WDR33: variants seen among roughly 807,000 people sequenced by gnomAD.
The protein encoded by WDR33 is WD repeat domain 33, also known as pre-mRNA 3' end processing protein WDR33.
In WDR33, 47 loss-of-function variants were observed where a neutral mutation model predicts 164.9. That is an observed-to-expected ratio of 0.29 (90% CI 0.23 to 0.36). The LOEUF is 0.36. Ranked by LOEUF, WDR33 falls within the 10% of genes least tolerant of loss-of-function variation. The probability of loss-of-function intolerance (pLI) is 1.00; values close to 1 mark genes in which losing one functional copy is unlikely to be tolerated. For missense variants in WDR33, 1,137 were observed against 1,754.1 expected (o/e 0.65, Z 6.28); for synonymous variants, 505 against 589.0 (o/e 0.86, Z 2.06).
chr2:127,710,995 C>A lies in WDR33; in HGVS notation c.3309-1139G>T, dbSNP rs531413466. Reference sequence around the variant, plus strand: ...ACCATTTGAAAATCAGTTGCCAACACGAGCTTTACCCCTAAATCCTTCAGT... The same window carrying A: ...ACCATTTGAAAATCAGTTGCCAACAAGAGCTTTACCCCTAAATCCTTCAGT... On this transcript the variant is annotated intron_variant, in intron 18 of 21. Coordinates refer to ENST00000322313, the MANE Select transcript of WDR33 (RefSeq NM_018383.5). This position sits in a 1 kb window ranked among gnomAD's most constrained non-coding sequence, Gnocchi z 4.4. Among the ~76,000 whole-genome samples the A allele has an allele frequency of 1.3e-5, 2 of 152,236 alleles. No individual in the cohort carries two copies. The highest frequency in any genetic ancestry group is 4.1e-4 in the South Asian group (2 of 4,834).
intron 1 of WDR33, among the ~76,000 whole-genome samples, chr2:127,810,558 AT>A (rs746220733): frequency 1.4e-4 from 21 of 152,206 alleles, no homozygotes; most frequent in Non-Finnish European, 2.8e-4. Context: ...CATCCTTATA[AT>A]AAGCACCGAT....
At position 127,705,955 on chromosome 2, in the gene WDR33, CA is replaced by C. The variant is rs749956109; in HGVS notation, c.*367del. 73 of 213,570 alleles carry C rather than the reference CA, an allele frequency of 3.4e-4. No homozygotes were observed. The highest frequency in any genetic ancestry group is 2.3e-3 in the Admixed American group (39 of 17,144). 13.2% of individuals were successfully genotyped at this position (213,570 alleles called of 1,614,324 possible). A position where few individuals can be genotyped will look rare whatever the true frequency, so the allele number is the denominator to read the frequency against. ...GCGTAAATCACATTCTGTATTCATA[CA>C]AAAACTTTGTTTTTCTCTGACAAAC... is the stretch of plus-strand genomic sequence containing the variant. On this transcript the variant is annotated 3_prime_UTR_variant, in exon 22 of 22. Coordinates refer to ENST00000322313, the MANE Select transcript of WDR33 (RefSeq NM_018383.5). The surrounding 1 kb of genome is among the most constrained non-coding windows in gnomAD (Gnocchi z 4.5).
chr2:127,739,179 G>A (rs1686945945), intron 7 of WDR33, among the ~76,000 whole-genome samples: 5 of 152,142 alleles, frequency 3.3e-5, no homozygotes, highest in Admixed American at 2.6e-4. Flanking sequence ...AATGAATGAG[G>A]AAATGATGAG....
Position 127,708,759 on chromosome 2 carries a change from G to T in WDR33, c.3699C>A (p.Arg1233=), listed in dbSNP as rs141592468. Residue 1233 remains arginine, a synonymous_variant, in exon 21 of 22, where the codon CGC becomes CGA. Transcript: ENST00000322313. This position sits in a 1 kb window ranked among gnomAD's most constrained non-coding sequence, Gnocchi z 6.7. ...AAGTGCCTGGGCCATCATGCCAGGG[G>T]CGCTTTCGGGGAGGTAGGGATGCCA... ...MDMASLPPRK[R]PWHDGPGTSE... 34 of 1,613,790 alleles carry T rather than the reference G, an allele frequency of 2.1e-5. No individual in the cohort carries two copies. The highest frequency in any genetic ancestry group is 1.7e-4 in the Admixed American group (10 of 59,970).
intron 7 of WDR33, among the ~76,000 whole-genome samples, chr2:127,754,012 T>C (rs543108485): frequency 6.6e-6 from 1 of 152,324 alleles, no homozygotes; most frequent in South Asian, 2.1e-4. Flanking sequence ...GGCAAGTGTA[T>C]AAATACAAAA....
In WDR33 at chr2:127,709,507, T is replaced by A. The variant is rs772590964; in HGVS notation, c.3548A>T (p.Asp1183Val). ...FEGGRKPDSW[D>V]GNREPGPGHE... is the part of the protein sequence containing the mutation. ...TTCCTTACCAGGCTCTCTGTTTCCATCCCAGGAATCTGGCTTCCGCCCTCC... is the reference window on the plus strand; with the variant it reads ...TTCCTTACCAGGCTCTCTGTTTCCAACCCAGGAATCTGGCTTCCGCCCTCC... Residue 1183 changes from aspartate to valine, a missense_variant, in exon 20 of 22, where the codon GAT (aspartate) becomes GTT (valine). Physicochemically the swap from Asp to Val is radical, Grantham distance 152. Transcript: ENST00000322313. The surrounding 1 kb of genome is among the most constrained non-coding windows in gnomAD (Gnocchi z 5.0). 3.1e-6 allele frequency: 5 copies of A among 1,613,964 alleles called. No homozygotes were observed. The highest frequency in any genetic ancestry group is 1.7e-5 in the Admixed American group (1 of 60,008).
intron 1 of WDR33, among the ~76,000 whole-genome samples, chr2:127,805,068 C>CTTTTTTTTTTTTTTTTT (rs201681607): frequency 5.9e-5 from 5 of 84,418 alleles, no homozygotes; most frequent in Admixed American, 1.4e-4. Flanking sequence ...GAAGTTTTTT[C>CTTTTTTTTTTTTTTTTT]TTTTTTTTTT....
intron 1 of WDR33, among the ~76,000 whole-genome samples, chr2:127,794,445 G>A (rs887165801): frequency 1.3e-5 from 2 of 151,802 alleles, no homozygotes; most frequent in Admixed American, 6.6e-5. Context: ...AGGTTGCAGT[G>A]AGTCAAGATT....
chr2:127,749,010 T>C (rs1309014610), intron 7 of WDR33, among the ~76,000 whole-genome samples: 1 of 152,100 alleles, frequency 6.6e-6, no homozygotes, highest in East Asian at 1.9e-4. Context: ...ATTTTTAAAA[T>C]TTCTATAAGT....
intron 1 of WDR33, among the ~76,000 whole-genome samples, chr2:127,808,846 C>G (rs1381707044): frequency 6.6e-6 from 1 of 152,002 alleles, no homozygotes; most frequent in South Asian, 2.1e-4. Flanking sequence ...CTAGCTAACA[C>G]GGTGAAATCC....
At chr2:127,808,731 C>T (rs1490142196) in intron 1 of WDR33, among the ~76,000 whole-genome samples, 2 of 151,940 alleles carry the variant, frequency 1.3e-5, no homozygotes, top group Non-Finnish European at 1.5e-5. Context: ...CCCGCCTCTA[C>T]TAAAAAATAC....
rs1685879052 is a variant in WDR33 at position 127,701,571 on chromosome 2, G to T, written c.*4752C>A. The T allele has an allele frequency of 2.2e-6, 3 of 1,366,278 alleles. No individual in the cohort carries two copies. Among genetic ancestry groups the T allele is most frequent in the South Asian group, 1.7e-5 (1 of 57,546 alleles). The allele number at this position is 1,366,278 out of a possible 1,614,324, so 84.6% of individuals were successfully genotyped here. Reference sequence around the variant, plus strand: ...CCAGCTGCAGGAGTACCTGGCGCAGGGGAAAGCTGGCGGCCCGGCGGCCGC... The same window carrying T: ...CCAGCTGCAGGAGTACCTGGCGCAGTGGAAAGCTGGCGGCCCGGCGGCCGC... On this transcript the variant is annotated 3_prime_UTR_variant, in exon 22 of 22. Coordinates refer to ENST00000322313, the MANE Select transcript of WDR33 (RefSeq NM_018383.5).
rs551856362 is a variant in WDR33 at position 127,708,961 on chromosome 2, T to C, written c.3566-69A>G. ...CCAGAAGTAGATGGGAATGACACTG[T>C]GAGAGTAAGGAGCAACTCGAGAGCC... On this transcript the variant is annotated intron_variant, in intron 20 of 21. Transcript: ENST00000322313. The surrounding 1 kb of genome is among the most constrained non-coding windows in gnomAD (Gnocchi z 6.7). 7.0e-7 allele frequency: 1 copy of C among 1,434,678 alleles called. No individual in the cohort carries two copies. The highest frequency in any genetic ancestry group is 2.7e-5 in the Admixed American group (1 of 36,758). 88.9% of individuals were successfully genotyped at this position (1,434,678 alleles called of 1,614,324 possible). A position where few individuals can be genotyped will look rare whatever the true frequency, so the allele number is the denominator to read the frequency against.
intron 7 of WDR33, among the ~76,000 whole-genome samples, chr2:127,757,270 A>G (rs1687547890): frequency 6.6e-6 from 1 of 152,198 alleles, no homozygotes; most frequent in South Asian, 2.1e-4. Context: ...GATTAAAAGA[A>G]CAAAGCCCAT....
chr2:127,800,947 A>G (rs924582714), intron 1 of WDR33, among the ~76,000 whole-genome samples: 1 of 152,034 alleles, frequency 6.6e-6, no homozygotes, highest in Non-Finnish European at 1.5e-5. Context: ...AGCTGTAGTG[A>G]TGGAATATTA....
Position 127,705,666 on chromosome 2 carries a change from C to G in WDR33, c.*657G>C, listed in dbSNP as rs1031382290. On this transcript the variant is annotated 3_prime_UTR_variant, in exon 22 of 22. Coordinates refer to ENST00000322313, the MANE Select transcript of WDR33 (RefSeq NM_018383.5). This position sits in a 1 kb window ranked among gnomAD's most constrained non-coding sequence, Gnocchi z 4.5. ...TTCTCTTCAGAGTACAATTTTCCAT[C>G]TGTCAGAGCATGTCTGAATAAAAAT... The G allele has an allele frequency of 6.6e-6, 1 of 152,324 alleles. No individual in the cohort carries two copies. The highest frequency in any genetic ancestry group is 1.9e-4 in the East Asian group (1 of 5,194). 9.4% of individuals were successfully genotyped at this position (152,324 alleles called of 1,614,324 possible). A position where few individuals can be genotyped will look rare whatever the true frequency, so the allele number is the denominator to read the frequency against.
rs1686470495 is a variant in WDR33 at position 127,722,747 on chromosome 2, A to G, written c.1379-17T>C. 1.9e-6 allele frequency: 3 copies of G among 1,611,336 alleles called. No individual in the cohort carries two copies. The highest frequency in any genetic ancestry group is 2.2e-5 in the South Asian group (2 of 90,250). Reference sequence around the variant, plus strand: ...CATCTTTCCCTGTAACCGTAAAGAAAAGTGGTTTGCCTCTTAAATAAAAGA... The same window carrying G: ...CATCTTTCCCTGTAACCGTAAAGAAGAGTGGTTTGCCTCTTAAATAAAAGA... On this transcript the variant is annotated splice_polypyrimidine_tract_variant and intron_variant, in intron 13 of 21. Transcript: ENST00000322313. This position sits in a 1 kb window ranked among gnomAD's most constrained non-coding sequence, Gnocchi z 5.1.
At chr2:127,757,008 T>C (rs1687540063) in intron 7 of WDR33, among the ~76,000 whole-genome samples, 1 of 148,614 alleles carries the variant, frequency 6.7e-6, no homozygotes, top group Non-Finnish European at 1.5e-5. Context: ...ACCTGCAAGG[T>C]GGAGGTTGCA....
rs1686263078 is a variant in WDR33 at position 127,714,975 on chromosome 2, C to T, written c.2870-954G>A. 6.6e-6 allele frequency among the ~76,000 whole-genome samples: 1 copy of T among 152,132 alleles called. No individual in the cohort carries two copies. The highest frequency in any genetic ancestry group is 2.1e-4 in the South Asian group (1 of 4,812). ...AATTCCTCCAATAGCCCAGTTCATG[C>T]CTTTTACTGCTTTTCCCTGGCTATA... On this transcript the variant is annotated intron_variant, in intron 17 of 21. Transcript: ENST00000322313. This position sits in a 1 kb window ranked among gnomAD's most constrained non-coding sequence, Gnocchi z 4.3.
Sources: gnomAD v4.1 joint callset for allele counts (sites outside exome capture counted in the v4.1 genomes callset) on GRCh38, gnomAD v4.1.1 for gene constraint, Gnocchi (gnomAD v3.1) non-coding constraint, MANE v1.5 for transcripts, NCBI Gene and HGNC (gene_info 2026-07-23, HGNC 2026-07-21) for gene names.